KAT6A: variants seen among roughly 807,000 people sequenced by gnomAD.
The protein encoded by KAT6A is histone acetyltransferase KAT6A.
In KAT6A, 9 loss-of-function variants were observed where a neutral mutation model predicts 198.4. The ratio of observed to expected loss-of-function variants is 0.05; its 90% confidence interval spans 0.03 to 0.08. The LOEUF is 0.08. Among genes scored for constraint, KAT6A ranks in the 10% least tolerant of loss-of-function variants. KAT6A has a pLI of 1.00. For synonymous variants in KAT6A, 890 were observed against 883.0 expected, an observed-to-expected ratio of 1.01 and a Z score of -0.14; for missense variants, 2,077 against 2,509.9, an observed-to-expected ratio of 0.83 and a Z score of 3.69.
At chr8:42,037,128 G>C (rs939669971) in intron 2 of KAT6A, among the ~76,000 whole-genome samples, 5 of 152,020 alleles carry the variant, frequency 3.3e-5, no homozygotes, top group African/African-American at 1.2e-4. Context: ...TGAAACCTGG[G>C]CCTCACTACT....
In KAT6A at chr8:41,932,920, T is replaced by A; in HGVS notation, c.5300A>T (p.His1767Leu). The part of the protein sequence containing the change: ...QQLTNTIMDP[H>L]AMPYSHSPAV... ...AGGAGAATGGCTATAAGGCATGGCA[T>A]GAGGGTCCATAATGGTGTTGGTCAG... is the stretch of plus-strand genomic sequence containing the variant. Residue 1767 changes from histidine (H) to leucine (L), a missense_variant, in exon 17 of 17, where the codon CAT becomes CTT. His to Leu is a moderately conservative substitution (Grantham distance 99). Coordinates refer to ENST00000265713, the MANE Select transcript of KAT6A (RefSeq NM_006766.5). 1 of 1,614,124 alleles carries A rather than the reference T, an allele frequency of 6.2e-7. No individual in the cohort carries two copies. The highest frequency in any genetic ancestry group is 8.5e-7 in the Non-Finnish European group (1 of 1,180,024).
rs556202342 is a variant in KAT6A at position 41,987,249 on chromosome 8, C to T, written c.709+206G>A. The stretch of plus-strand genomic sequence containing the variant: ...TAACCCAGATGTGTAGTAGGCCATC[C>T]CTCTTGGTTTGTGTCAGAACACTCG... On this transcript the variant is annotated intron_variant, in intron 3 of 16. Coordinates refer to ENST00000265713, the MANE Select transcript of KAT6A (RefSeq NM_006766.5). 2.2e-4 allele frequency among the ~76,000 whole-genome samples: 34 copies of T among 152,234 alleles called. No individual in the cohort carries two copies. The South Asian group carries it at 6.2e-3, about 28-fold the overall frequency.
intron 2 of KAT6A, among the ~76,000 whole-genome samples, chr8:41,994,694 T>C (rs1825107280): frequency 6.6e-6 from 1 of 152,178 alleles, no homozygotes; most frequent in Admixed American, 6.5e-5. Flanking sequence ...TTATTTATTC[T>C]TAACTAAATG....
Position 41,947,731 on chromosome 8 carries a change from C to CT in KAT6A, c.1902+19dup, listed in dbSNP as rs1564015756. 1 of 1,575,650 alleles carries CT rather than the reference C, an allele frequency of 6.3e-7. No individual in the cohort carries two copies. The highest frequency in any genetic ancestry group is 1.2e-5 in the South Asian group (1 of 84,708). On this transcript the variant is annotated intron_variant, in intron 11 of 16. Coordinates refer to ENST00000265713, the MANE Select transcript of KAT6A (RefSeq NM_006766.5). ...AGATTTCTATATGAGTTCAAACAAA[C>CT]TTTAAGCTGACATACTTACCTTAGA...
At position 42,000,563 on chromosome 8, in the gene KAT6A, G is replaced by GA. The variant is rs556405698; in HGVS notation, c.601-13001dup. Among the ~76,000 whole-genome samples the GA allele has an allele frequency of 3.8e-3, 520 of 138,026 alleles. 3 individuals carry two copies. The highest frequency in any genetic ancestry group is 0.01 in the South Asian group (45 of 4,416). 90.6% of individuals were successfully genotyped at this position (138,026 alleles called of 152,430 possible). A position where few individuals can be genotyped will look rare whatever the true frequency, so the allele number is the denominator to read the frequency against. ...AAGACTCCATCTCAAAAAAACAGAAGAAAAAAAAAAGAAAAAAAAGTGATG... is the reference window on the plus strand; with the variant it reads ...AAGACTCCATCTCAAAAAAACAGAAGAAAAAAAAAAAGAAAAAAAAGTGATG... On this transcript the variant is annotated intron_variant, in intron 2 of 16. Coordinates refer to ENST00000265713, the MANE Select transcript of KAT6A (RefSeq NM_006766.5).
At chr8:41,950,940 GGGGAGAGAGGAA>G (rs1439083081) in intron 9 of KAT6A, among the ~76,000 whole-genome samples, 26 of 152,000 alleles carry the variant, frequency 1.7e-4, no homozygotes, top group African/African-American at 6.0e-4. Flanking sequence ...AGAAGGGAGA[GGGGAGAGAGGAA>G]GGGAGGGAGG....
chr8:41,965,290 T>C (rs140120011), intron 8 of KAT6A, among the ~76,000 whole-genome samples: 489 of 152,342 alleles, frequency 3.2e-3, no homozygotes, highest in African/African-American at 0.011. Context: ...TTTTCACATG[T>C]CCATAAATAT....
At chr8:42,018,036 G>C (rs1476755627) in intron 2 of KAT6A, among the ~76,000 whole-genome samples, 3 of 152,186 alleles carry the variant, frequency 2.0e-5, no homozygotes, top group Non-Finnish European at 4.4e-5. Flanking sequence ...ACAGATATAG[G>C]AGGCATGACT....
intron 2 of KAT6A, among the ~76,000 whole-genome samples, chr8:42,030,323 C>T (rs1310698055): frequency 3.3e-5 from 5 of 152,162 alleles, no homozygotes; most frequent in Admixed American, 6.5e-5. Context: ...GACTTTCTCC[C>T]GGCTCCAAGC....
chr8:42,017,359 C>T (rs1191914438), intron 2 of KAT6A, among the ~76,000 whole-genome samples: 1 of 152,080 alleles, frequency 6.6e-6, no homozygotes, highest in Non-Finnish European at 1.5e-5. Flanking sequence ...TCTAGTAGGA[C>T]AGGCAGATAA....
intron 6 of KAT6A, 147 bp downstream of exon 6, chr8:41,978,495 A>T: frequency 1.3e-6 from 1 of 769,174 alleles, no homozygotes; most frequent in Non-Finnish European, 2.1e-6. Context: ...GCACTTATTA[A>T]GGGCTGAATA....
Position 41,930,667 on chromosome 8 carries a change from T to A in KAT6A, c.*1538A>T, listed in dbSNP as rs1282625484. On this transcript the variant is annotated 3_prime_UTR_variant, in exon 17 of 17. Transcript: ENST00000265713. ...TAGTTTCCATCTTCTAATGATGGAA[T>A]ATATATATATATATATGTGTGTGTG... 1 of 139,190 alleles carries A rather than the reference T, an allele frequency of 7.2e-6. No homozygotes were observed. The highest frequency in any genetic ancestry group is 3.2e-5 in the African/African-American group (1 of 31,716). The allele number at this position is 139,190 out of a possible 1,614,324, so 8.6% of individuals were successfully genotyped here. A position where few individuals can be genotyped will look rare whatever the true frequency, so the allele number is the denominator to read the frequency against.
intron 8 of KAT6A, among the ~76,000 whole-genome samples, chr8:41,972,341 TA>T (rs1381206291): frequency 1.3e-5 from 2 of 152,166 alleles, no homozygotes; most frequent in Non-Finnish European, 2.9e-5. Context: ...ATGTGGTAGA[TA>T]AAAGTTTGAT....
chr8:42,018,677 C>T (rs898776763), intron 2 of KAT6A, among the ~76,000 whole-genome samples: 28 of 152,190 alleles, frequency 1.8e-4, no homozygotes, highest in Non-Finnish European at 2.4e-4. Flanking sequence ...AATCCCAACA[C>T]TTTGAGAGGC....
chr8:41,954,540 C>T (rs1371036933), intron 9 of KAT6A, among the ~76,000 whole-genome samples: 1 of 147,238 alleles, frequency 6.8e-6, no homozygotes, highest in Non-Finnish European at 1.5e-5. Flanking sequence ...ATTTTTTGAT[C>T]TCATTTCATC....
In KAT6A at chr8:41,933,079, G is replaced by A. The variant is rs1428209415; in HGVS notation, c.5141C>T (p.Ala1714Val). The A allele has an allele frequency of 2.5e-6, 4 of 1,613,018 alleles. No individual in the cohort carries two copies. Among genetic ancestry groups the A allele is most frequent in the South Asian group, 1.1e-5 (1 of 91,024 alleles). ...TTCTGGTATCTCCATGATCATAGGA[G>A]CTGGGGTGAAACTGTTATTCATACT... ...QCSMNNSFTP[A>V]PMIMEIPESG... is the part of the protein sequence containing the mutation. The change falls in exon 17 of 17, where the codon GCT (alanine) becomes GTT (valine). Residue 1714 changes from alanine to valine, a missense_variant. Ala to Val is a moderately conservative substitution (Grantham distance 64, BLOSUM62 0). Coordinates refer to ENST00000265713, the MANE Select transcript of KAT6A (RefSeq NM_006766.5). This position sits in a 1 kb window ranked among gnomAD's most constrained non-coding sequence, Gnocchi z 6.2.
At chr8:41,967,215 G>A (rs1349114225) in intron 8 of KAT6A, among the ~76,000 whole-genome samples, 1 of 151,108 alleles carries the variant, frequency 6.6e-6, no homozygotes, top group East Asian at 1.9e-4. Context: ...TCAAGAAGGT[G>A]GTCATGCTCC....
At position 41,932,854 on chromosome 8, in the gene KAT6A, G is replaced by A. The variant is rs1488170324; in HGVS notation, c.5366C>T (p.Thr1789Ile). The A allele has an allele frequency of 1.2e-6, 2 of 1,614,052 alleles. No homozygotes were observed. Among genetic ancestry groups the A allele is most frequent in the Admixed American group, 3.3e-5 (2 of 60,004 alleles). The change falls in exon 17 of 17, where the codon ACA becomes ATA. Residue 1789 changes from threonine to isoleucine, a missense_variant. Physicochemically the swap from Thr to Ile is moderately conservative, Grantham distance 89. Around this residue, in one of 13 missense-constraint regions of KAT6A, gnomAD observed 500 missense variants for 577.2 expected, o/e 0.87. Transcript: ENST00000265713. ...AGATGGAGCCAGCTGAGCCAGTCCTGTATTGGACAGAGAAACACTGGTTGC... is the reference window on the plus strand; with the variant it reads ...AGATGGAGCCAGCTGAGCCAGTCCTATATTGGACAGAGAAACACTGGTTGC... ...SYATSVSLSN[T>I]GLAQLAPSHP...
intron 2 of KAT6A, among the ~76,000 whole-genome samples, chr8:42,038,761 T>C (rs2150926157): frequency 6.6e-6 from 1 of 152,362 alleles, no homozygotes; most frequent in East Asian, 1.9e-4. Context: ...CTATGTTTCG[T>C]AAGCATAATA....
Sources: gnomAD v4.1 joint callset for allele counts (sites outside exome capture counted in the v4.1 genomes callset) on GRCh38, gnomAD v4.1.1 for gene constraint, gnomAD v4.1.1 regional missense constraint, Gnocchi (gnomAD v3.1) non-coding constraint, MANE v1.5 for transcripts, NCBI Gene and HGNC (gene_info 2026-07-23, HGNC 2026-07-21) for gene names.